TMC1: variants seen among roughly 807,000 people sequenced by gnomAD.
TMC1 encodes the protein transmembrane channel-like protein 1.
TMC1 carries 84 observed loss-of-function variants against 105.8 expected under a neutral mutation model. The observed-to-expected ratio is 0.79, with a 90% CI of 0.67 to 0.95. TMC1 has a LOEUF of 0.95. Among genes scored for constraint, TMC1 ranks in the 40% least tolerant of loss-of-function variants. TMC1 has a pLI of 0.00. For synonymous variants in TMC1, 315 were observed against 311.5 expected, an observed-to-expected ratio of 1.01 and a Z score of -0.12; for missense variants, 817 against 914.1, an observed-to-expected ratio of 0.89 and a Z score of 1.37.
At chr9:72,690,813 A>G (rs1826453232) in intron 6 of TMC1, among the ~76,000 whole-genome samples, 2 of 152,078 alleles carry the variant, frequency 1.3e-5, no homozygotes, top group South Asian at 4.1e-4. Flanking sequence ...ATTTGGGTTC[A>G]CATAATTTAG....
chr9:72,805,486 G>T lies in TMC1; in HGVS notation c.1671G>T (p.Trp557Cys), dbSNP rs1272127765. 1.2e-6 allele frequency: 2 copies of T among 1,613,162 alleles called. No homozygotes were observed. Among genetic ancestry groups the T allele is most frequent in the Non-Finnish European group, 1.7e-6 (2 of 1,179,760 alleles). Residue 557 changes from tryptophan (W) to cysteine (C), a missense_variant, in exon 18 of 24, where the codon TGG becomes TGT. Physicochemically the swap from Trp to Cys is radical, Grantham distance 215 (BLOSUM62 -2). Coordinates refer to ENST00000297784, the MANE Select transcript of TMC1 (RefSeq NM_138691.3). The stretch of plus-strand genomic sequence containing the variant: ...TTGTGAGGTTTTGCAATTATTGCTG[G>T]TGCTGGGACTTGGAGTATGGATATG... ...ACFVRFCNYC[W>C]CWDLEYGYPS...
Position 72,648,641 on chromosome 9 carries a change from C to T in TMC1, c.-8C>T, listed in dbSNP as rs564398062. The T allele has an allele frequency of 2.8e-5, 45 of 1,612,260 alleles. No individual in the cohort carries two copies. The South Asian group carries it at 4.1e-4, about 15-fold the overall frequency. On this transcript the variant is annotated 5_prime_UTR_variant, in exon 5 of 24. Transcript: ENST00000297784. ...GCCACTGAGACCTTCTGACAGGACA[C>T]CCCCAGGATGTCACCCAAAAAAGGT...
At chr9:72,829,794 C>T (rs1829012858) in intron 21 of TMC1, among the ~76,000 whole-genome samples, 1 of 152,112 alleles carries the variant, frequency 6.6e-6, no homozygotes, top group Non-Finnish European at 1.5e-5. Context: ...GTTCGTTTTG[C>T]CTTAAGTGAA....
chr9:72,806,611 A>G (rs915660122), intron 18 of TMC1, among the ~76,000 whole-genome samples: 5 of 143,614 alleles, frequency 3.5e-5, no homozygotes, highest in African/African-American at 1.1e-4. Flanking sequence ...GATGCTCCTC[A>G]CCTCCCAGAC....
chr9:72,753,047 A>G (rs1360707511), intron 11 of TMC1, among the ~76,000 whole-genome samples: 2 of 152,088 alleles, frequency 1.3e-5, no homozygotes, highest in Non-Finnish European at 2.9e-5. Context: ...CTTGGAATAT[A>G]TTTTTTTATT....
At chr9:72,642,927 T>C (rs1288707186) in intron 4 of TMC1, among the ~76,000 whole-genome samples, 3 of 152,304 alleles carry the variant, frequency 2.0e-5, no homozygotes, top group East Asian at 3.9e-4. Context: ...TGACAATCGC[T>C]AATAAATTTC....
At chr9:72,809,087 T>C (rs1176750547) in intron 18 of TMC1, 1 of 152,308 alleles carries the variant, frequency 6.6e-6, no homozygotes, top group Non-Finnish European at 1.5e-5. Context: ...TTCATTTCTA[T>C]TTTCCTTACC....
At chr9:72,826,808 T>G in intron 20 of TMC1, 61 bp from the exon 21 acceptor site, 1 of 1,582,356 alleles carries the variant, frequency 6.3e-7, no homozygotes, top group Non-Finnish European at 8.7e-7. Context: ...TTTTCTTGCT[T>G]TAACCATGGT....
chr9:72,539,388 A>G (rs1823639802), intron 1 of TMC1, among the ~76,000 whole-genome samples: 1 of 152,162 alleles, frequency 6.6e-6, no homozygotes, highest in African/African-American at 2.4e-5. Context: ...CCTGAGTGAC[A>G]GAGCAAGATC....
intron 2 of TMC1, among the ~76,000 whole-genome samples, chr9:72,590,378 G>A (rs1157136755): frequency 6.6e-6 from 1 of 152,132 alleles, no homozygotes; most frequent in Non-Finnish European, 1.5e-5. Flanking sequence ...GCTCAATCCT[G>A]GGCTATTGTA....
intron 6 of TMC1, among the ~76,000 whole-genome samples, chr9:72,690,401 T>C (rs1826445134): frequency 6.6e-6 from 1 of 152,170 alleles, no homozygotes; most frequent in African/African-American, 2.4e-5. Flanking sequence ...CCTGTATTTG[T>C]CTACATATTT....
chr9:72,806,259 G>A (rs1319332473), intron 18 of TMC1, among the ~76,000 whole-genome samples: 29 of 148,936 alleles, frequency 1.9e-4, no homozygotes, highest in African/African-American at 7.1e-4. Flanking sequence ...GGGGCGGCTG[G>A]CCGGGCAGAG....
At chr9:72,664,887 A>C (rs1826017779) in intron 5 of TMC1, among the ~76,000 whole-genome samples, 1 of 152,184 alleles carries the variant, frequency 6.6e-6, no homozygotes. Context: ...CTAAAAGAGC[A>C]CTGTAGCACA....
chr9:72,621,818 T>C (rs940430649), intron 3 of TMC1, among the ~76,000 whole-genome samples: 2 of 152,208 alleles, frequency 1.3e-5, no homozygotes, highest in Non-Finnish European at 2.9e-5. Context: ...TTTATTATTA[T>C]ATACTCAAAT....
chr9:72,599,058 T>A (rs1824764836), intron 2 of TMC1, among the ~76,000 whole-genome samples: 1 of 152,128 alleles, frequency 6.6e-6, no homozygotes, highest in African/African-American at 2.4e-5. Context: ...TGAGGCACAG[T>A]TTCACTCTGT....
intron 2 of TMC1, among the ~76,000 whole-genome samples, chr9:72,595,271 C>T (rs931003512): frequency 6.6e-6 from 1 of 152,182 alleles, no homozygotes; most frequent in Non-Finnish European, 1.5e-5. Flanking sequence ...GGTGTCCTCA[C>T]TAGACAGAAC....
At chr9:72,688,568 C>G (rs56173757) in intron 5 of TMC1, 141 bp from the exon 6 acceptor site, 1 of 704,816 alleles carries the variant, frequency 1.4e-6, no homozygotes, top group Non-Finnish European at 2.5e-6. Context: ...TTTAATAAAT[C>G]GTGCTCATTT....
intron 12 of TMC1, among the ~76,000 whole-genome samples, chr9:72,760,011 T>C (rs887186217): frequency 2.6e-5 from 4 of 152,326 alleles, no homozygotes; most frequent in Non-Finnish European, 5.9e-5. Flanking sequence ...CATAATAATC[T>C]TGTAATTCCC....
chr9:72,546,063 AC>A (rs1823763483), intron 1 of TMC1, among the ~76,000 whole-genome samples: 1 of 151,546 alleles, frequency 6.6e-6, no homozygotes, highest in South Asian at 2.1e-4. Flanking sequence ...TGGATGGATC[AC>A]CTGAGGTCAG....
Sources: allele counts gnomAD v4.1 joint callset (sites outside exome capture counted in the v4.1 genomes callset), GRCh38; gene constraint gnomAD v4.1.1; transcripts MANE v1.5; gene names NCBI Gene and HGNC (gene_info 2026-07-23, HGNC 2026-07-21).